Variants in ZNF469 observed in about 807,000 individuals in gnomAD.
The protein encoded by ZNF469 is zinc finger protein 469.
ZNF469 carries 1 observed loss-of-function variant against 1.0 expected under a neutral mutation model. That is an observed-to-expected ratio of 1.00 (90% CI 0.35 to 4.73). The LOEUF (loss-of-function observed/expected upper bound fraction) is 4.73. Ranked by LOEUF, ZNF469 falls within the 30% of genes most tolerant of loss-of-function variation. The pLI is 0.16. For synonymous variants in ZNF469, 2,703 were observed against 2,363.4 expected, an observed-to-expected ratio of 1.14 and a Z score of -4.17; for missense variants, 6,100 against 5,356.3, an observed-to-expected ratio of 1.14 and a Z score of -4.33.
chr16:88,280,827 C>T, the ZNF469 span, among the ~76,000 whole-genome samples: 13 of 152,060 alleles, frequency 8.5e-5, no homozygotes, highest in East Asian at 2.5e-3. Flanking sequence ...CACCCTGATG[C>T]TTGGTCAGTA....
chr16:88,146,508 C>G, the ZNF469 span, among the ~76,000 whole-genome samples: 2 of 152,114 alleles, frequency 1.3e-5, no homozygotes, highest in African/African-American at 4.8e-5. Flanking sequence ...GAGTGGCACC[C>G]TCCCCCCAGT....
the ZNF469 span, among the ~76,000 whole-genome samples, chr16:88,132,863 A>G: frequency 1.3e-5 from 2 of 152,166 alleles, no homozygotes; most frequent in Non-Finnish European, 2.9e-5. Flanking sequence ...ATTTGGACAT[A>G]AACAGGTCAG....
chr16:88,365,370 C>G, the ZNF469 span, among the ~76,000 whole-genome samples: 1 of 152,334 alleles, frequency 6.6e-6, no homozygotes, highest in Admixed American at 6.5e-5. Flanking sequence ...AATCAGAGCT[C>G]TACATTCCTG....
chr16:88,374,718 A>ACGTGCGGTGGGCTGAGCTCGGCGCCG, the ZNF469 span, among the ~76,000 whole-genome samples: 3 of 151,526 alleles, frequency 2.0e-5, no homozygotes, highest in African/African-American at 7.3e-5. Context: ...GCTCAGCACC[A>ACGTGCGGTGGGCTGAGCTCGGCGCCG]TGTGCGGTGG....
At chr16:88,347,300 C>A in the ZNF469 span, among the ~76,000 whole-genome samples, 1 of 152,164 alleles carries the variant, frequency 6.6e-6, no homozygotes, top group African/African-American at 2.4e-5. Context: ...GTGCACGGGC[C>A]CTTCTTTGGA....
chr16:88,356,867 C>T, the ZNF469 span, among the ~76,000 whole-genome samples: 19 of 151,372 alleles, frequency 1.3e-4, no homozygotes, highest in Middle Eastern at 3.2e-3. Context: ...GGCCAGGGTC[C>T]GCAGACTCTT....
the ZNF469 span, among the ~76,000 whole-genome samples, chr16:88,355,668 G>A: frequency 2.0e-5 from 3 of 152,204 alleles, no homozygotes; most frequent in Non-Finnish European, 4.4e-5. Context: ...CCCGCAGGAA[G>A]CCCAGGCACC....
At chr16:88,230,186 C>T in the ZNF469 span, among the ~76,000 whole-genome samples, 94 of 152,342 alleles carry the variant, frequency 6.2e-4, no homozygotes, top group African/African-American at 2.2e-3. Context: ...TAGTCCCGCT[C>T]GTGGTTTTCC....
At chr16:88,314,797 G>A in the ZNF469 span, among the ~76,000 whole-genome samples, 5 of 139,060 alleles carry the variant, frequency 3.6e-5, no homozygotes, top group Admixed American at 7.3e-5. Flanking sequence ...ATGCTGGTGT[G>A]GAATATCTCT....
At chr16:88,132,237 G>C in the ZNF469 span, among the ~76,000 whole-genome samples, 4,932 of 151,872 alleles carry the variant, frequency 0.032, no homozygotes, top group African/African-American at 0.11. Flanking sequence ...GGCCTCCGAC[G>C]CCCGCCTTCC....
At chr16:88,253,371 T>C in the ZNF469 span, among the ~76,000 whole-genome samples, 56 of 152,238 alleles carry the variant, frequency 3.7e-4, no homozygotes, top group African/African-American at 1.2e-3. Flanking sequence ...TGTCTTGTTT[T>C]TTCCTTTTAG....
the ZNF469 span, among the ~76,000 whole-genome samples, chr16:88,223,827 G>A: frequency 2.0e-5 from 3 of 152,182 alleles, no homozygotes; most frequent in East Asian, 5.8e-4. Context: ...TGGGCCGCCC[G>A]CCCCCTTCGT....
the ZNF469 span, among the ~76,000 whole-genome samples, chr16:88,202,667 G>A: frequency 4.8e-4 from 72 of 150,438 alleles, 1 homozygote; most frequent in South Asian, 0.011. Flanking sequence ...CTTAGGAAAC[G>A]TTGTGTCTGC....
the ZNF469 span, among the ~76,000 whole-genome samples, chr16:88,288,118 C>T: frequency 5.3e-5 from 8 of 152,218 alleles, no homozygotes; most frequent in South Asian, 4.2e-4. Flanking sequence ...AGATGTTCTC[C>T]GTGCCCTGTG....
At chr16:88,371,864 CCAT>C in the ZNF469 span, among the ~76,000 whole-genome samples, 7 of 151,160 alleles carry the variant, frequency 4.6e-5, no homozygotes, top group African/African-American at 1.7e-4. Flanking sequence ...ATCACCATCA[CCAT>C]CATCGTCACC....
chr16:88,153,895 C>T, the ZNF469 span, among the ~76,000 whole-genome samples: 2 of 152,208 alleles, frequency 1.3e-5, no homozygotes, highest in African/African-American at 4.8e-5. Context: ...CCCTAGGGGG[C>T]ACCGGCCCCA....
chr16:88,121,987 C>T, the ZNF469 span, among the ~76,000 whole-genome samples: 189 of 149,332 alleles, frequency 1.3e-3, no homozygotes, highest in African/African-American at 4.5e-3. Context: ...GTAGACACTC[C>T]GTCACTCGCT....
chr16:88,148,462 C>T, the ZNF469 span, among the ~76,000 whole-genome samples: 1 of 152,198 alleles, frequency 6.6e-6, no homozygotes, highest in African/African-American at 2.4e-5. Flanking sequence ...TTTCTTTAAT[C>T]ACGAATCCTA....
the ZNF469 span, among the ~76,000 whole-genome samples, chr16:88,134,615 C>T: frequency 4.6e-5 from 7 of 152,204 alleles, no homozygotes; most frequent in Non-Finnish European, 1.0e-4. Flanking sequence ...AGGCGGATGT[C>T]CAAGTAGCTC....
Sources: allele counts gnomAD v4.1 joint callset (sites outside exome capture counted in the v4.1 genomes callset), GRCh38; gene constraint gnomAD v4.1.1; transcripts MANE v1.5; gene names NCBI Gene and HGNC (gene_info 2026-07-23, HGNC 2026-07-21).